The following OSGEP variants were observed in gnomAD, a reference collection of about 807,000 sequenced individuals.
OSGEP encodes tRNA N6-adenosine threonylcarbamoyltransferase.
Under a neutral mutation model 44.1 loss-of-function variants are expected in OSGEP, and 39 were observed. The observed-to-expected ratio is 0.88, with a 90% CI of 0.69 to 1.16. The LOEUF is 1.16. Ranked by LOEUF, OSGEP falls within the 50% of genes most tolerant of loss-of-function variation. The pLI is 0.00. For missense variants in OSGEP, 403 were observed against 443.1 expected (o/e 0.91, Z 0.81); for synonymous variants, 139 against 161.9 (o/e 0.86, Z 1.07).
intron 1 of OSGEP, among the ~76,000 whole-genome samples, chr14:20,452,995 A>C (rs1043501216): frequency 3.9e-5 from 6 of 152,174 alleles, no homozygotes; most frequent in Non-Finnish European, 7.3e-5. Context: ...GGCCTGAGCC[A>C]CCGTGCCTGG....
At chr14:20,451,464 T>C (rs3120067) in intron 3 of OSGEP, 96,938 of 164,600 alleles carry the variant, frequency 0.59, 28,869 homozygotes, top group African/African-American at 0.61. Flanking sequence ...TGCCACCACA[T>C]CAAATTAATT....
chr14:20,448,562 A>C (rs1881018440), intron 6 of OSGEP, among the ~76,000 whole-genome samples, 171 bp downstream of exon 6: 1 of 152,156 alleles, frequency 6.6e-6, no homozygotes, highest in African/African-American at 2.4e-5. Context: ...AGCATGTGGC[A>C]CACAGAGATA....
chr14:20,448,599 T>A, intron 6 of OSGEP, 134 bp downstream of exon 6: 1 of 654,728 alleles, frequency 1.5e-6, no homozygotes, highest in Non-Finnish European at 2.7e-6. Context: ...TAAATGAATT[T>A]ACCCAGCACA....
At chr14:20,447,317 C>T (rs1880972042) in intron 10 of OSGEP, 38 bp from the exon 11 acceptor site, 1 of 1,612,508 alleles carries the variant, frequency 6.2e-7, no homozygotes, top group South Asian at 1.1e-5. Context: ...GAGAGCGAGC[C>T]CTTAACATCC....
chr14:20,449,766 G>C (rs74512655), intron 3 of OSGEP: 9,382 of 159,942 alleles, frequency 0.059, 342 homozygotes, highest in East Asian at 0.17. Flanking sequence ...TCAGCTTCCT[G>C]AGTAGCTGGG....
At position 20,448,831 on chromosome 14, in the gene OSGEP, C is replaced by G; in HGVS notation, c.558-20G>C. The G allele has an allele frequency of 6.3e-7, 1 of 1,597,400 alleles. No individual in the cohort carries two copies. Among genetic ancestry groups the G allele is most frequent in the Non-Finnish European group, 8.6e-7 (1 of 1,164,776 alleles). Reference sequence around the variant, plus strand: ...TTGCCTCTATGTGGGAATAAGCGTACGAGGCACTAAGCCTACAGTCAGCTG... The same window carrying G: ...TTGCCTCTATGTGGGAATAAGCGTAGGAGGCACTAAGCCTACAGTCAGCTG... On this transcript the variant is annotated intron_variant, in intron 5 of 10. Transcript: ENST00000206542.
intron 2 of OSGEP, 55 bp from the exon 3 acceptor site, chr14:20,452,204 G>T (rs371549049): frequency 6.7e-7 from 1 of 1,492,734 alleles, no homozygotes; most frequent in South Asian, 1.2e-5. Context: ...AAACAATAGT[G>T]GGGGACATAA....
rs372581348 is a variant in OSGEP, at chr14:20,454,561, T to C, written c.115+8A>G. On this transcript the variant is annotated splice_region_variant and intron_variant, in intron 1 of 10. Coordinates refer to ENST00000206542, the MANE Select transcript of OSGEP (RefSeq NM_017807.4). ...CGCGGAAAACTCTTAAGTCCCCTAC[T>C]CACCAACCTGTGCCAGGAGGCGTGA... 230 of 1,600,168 alleles carry C rather than the reference T, an allele frequency of 1.4e-4. No individual in the cohort carries two copies. The highest frequency in any genetic ancestry group is 3.3e-5 in the Non-Finnish European group (39 of 1,167,308).
chr14:20,449,348 T>G, intron 3 of OSGEP, 82 bp from the exon 4 acceptor site: 1 of 830,802 alleles, frequency 1.2e-6, no homozygotes, highest in South Asian at 1.4e-5. Context: ...TAGCAGAGGA[T>G]CAACATGACC....
rs1881217287 is a variant in OSGEP, at chr14:20,454,609, C to A, written c.75G>T (p.Leu25=). The change falls in exon 1 of 11, where the codon CTG becomes CTT. Residue 25 remains leucine (L), a synonymous_variant. Coordinates refer to ENST00000206542, the MANE Select transcript of OSGEP (RefSeq NM_017807.4). The stretch of plus-strand genomic sequence containing the variant: ...TGACGTAAGTCCGCCGCGGGTTCGC[C>A]AGCACCTTGCCATCCCGCACCACGC... The part of the protein sequence containing the change: ...GVGVVRDGKV[L]ANPRRTYVTP... The A allele has an allele frequency of 6.2e-7, 1 of 1,614,104 alleles. No individual in the cohort carries two copies. Among genetic ancestry groups the A allele is most frequent in the African/African-American group, 1.3e-5 (1 of 74,944 alleles).
chr14:20,449,161 A>G lies in OSGEP; in HGVS notation c.507+10T>C. Reference sequence around the variant, plus strand: ...CACATTTTATGTTCTCTGCAGCCCCACTGGCTTACCTTCAGCACTCGAGCA... The same window carrying G: ...CACATTTTATGTTCTCTGCAGCCCCGCTGGCTTACCTTCAGCACTCGAGCA... On this transcript the variant is annotated intron_variant, in intron 4 of 10. Transcript: ENST00000206542. 6.3e-7 allele frequency: 1 copy of G among 1,596,438 alleles called. No homozygotes were observed. Among genetic ancestry groups the G allele is most frequent in the Non-Finnish European group, 8.6e-7 (1 of 1,163,850 alleles).
At position 20,448,151 on chromosome 14, in the gene OSGEP, C is replaced by G; in HGVS notation, c.657G>C (p.Leu219=). Residue 219 remains leucine, a synonymous_variant, in exon 7 of 11, where the codon CTG becomes CTC. Coordinates refer to ENST00000206542, the MANE Select transcript of OSGEP (RefSeq NM_017807.4). ...SFIEDVAHRM[L]ATGECTPEDL... ...CCTCAGGAGTACACTCGCCTGTGGC[C>G]AGCATCCGATGGGCTACATCCTACA... is the stretch of plus-strand genomic sequence containing the variant. 6.2e-7 allele frequency: 1 copy of G among 1,613,466 alleles called. No homozygotes were observed.
In OSGEP at chr14:20,447,622, C is replaced by T; in HGVS notation, c.862G>A (p.Asp288Asn). 6.2e-7 allele frequency: 1 copy of T among 1,613,960 alleles called. No homozygotes were observed. The highest frequency in any genetic ancestry group is 8.5e-7 in the Non-Finnish European group (1 of 1,179,822). Reference protein sequence around the residue: ...QERGARLFATDERFCIDNGAM... With the variant: ...QERGARLFATNERFCIDNGAM... ...AAGGGAAAGTGTCTTTACCTCTCAT[C>T]TGTAGCAAAAAGCCGGGCTCCACGT... Residue 288 changes from aspartate (D) to asparagine (N), a missense_variant, in exon 9 of 11, where the codon GAT becomes AAT. Coordinates refer to ENST00000206542, the MANE Select transcript of OSGEP (RefSeq NM_017807.4).
chr14:20,453,136 T>C (rs187478608), intron 1 of OSGEP, among the ~76,000 whole-genome samples: 76 of 152,308 alleles, frequency 5.0e-4, no homozygotes, highest in East Asian at 1.9e-3. Flanking sequence ...TCTCAAAGCA[T>C]TGAGTATTTT....
rs757710807 is a variant in OSGEP at position 20,447,439 on chromosome 14, A to G, written c.951T>C (p.Asp317=). Residue 317 remains aspartate (D), a synonymous_variant, in exon 10 of 11, where the codon GAT becomes GAC. Transcript: ENST00000206542. ...TCACTCACCTCTGTGTAACCCCAGA[A>G]TCACTGAGTGGGGTCCTGTGTCCAG... is the stretch of plus-strand genomic sequence containing the variant. ...FRAGHRTPLS[D]SGVTQRYRTD... is the part of the protein sequence containing the mutation. 1 of 1,613,652 alleles carries G rather than the reference A, an allele frequency of 6.2e-7. No homozygotes were observed. The highest frequency in any genetic ancestry group is 1.3e-5 in the African/African-American group (1 of 74,900).
chr14:20,449,166 C>CT lies in OSGEP; in HGVS notation c.507+4dup, dbSNP rs766820832. ...TTTATGTTCTCTGCAGCCCCACTGG[C>CT]TTACCTTCAGCACTCGAGCAAAACG... On this transcript the variant is annotated splice_donor_region_variant and intron_variant, in intron 4 of 10. Coordinates refer to ENST00000206542, the MANE Select transcript of OSGEP (RefSeq NM_017807.4). The CT allele has an allele frequency of 6.7e-5, 108 of 1,603,648 alleles. 1 individual carries two copies. The South Asian group carries it at 1.1e-3, about 17-fold the overall frequency.
At chr14:20,454,234 T>G (rs1161373323) in intron 1 of OSGEP, among the ~76,000 whole-genome samples, 1 of 152,138 alleles carries the variant, frequency 6.6e-6, no homozygotes, top group East Asian at 1.9e-4. Context: ...CTGCTAAGCG[T>G]TTTTTAAACA....
intron 6 of OSGEP, 91 bp from the exon 7 acceptor site, chr14:20,448,262 G>T: frequency 1.0e-6 from 1 of 1,001,054 alleles, no homozygotes; most frequent in Non-Finnish European, 1.6e-6. Flanking sequence ...GGGTCATCAT[G>T]TTTCACCACA....
rs1881029757 is a variant in OSGEP at position 20,449,031 on chromosome 14, T to C, written c.508-18A>G. Reference sequence around the variant, plus strand: ...TTAGAAATCTAGCAGAAGAAAAAAATAAGGAAGGAGGGAATGGAAGAGGAT... The same window carrying C: ...TTAGAAATCTAGCAGAAGAAAAAAACAAGGAAGGAGGGAATGGAAGAGGAT... On this transcript the variant is annotated intron_variant, in intron 4 of 10. Coordinates refer to ENST00000206542, the MANE Select transcript of OSGEP (RefSeq NM_017807.4). 1 of 1,608,452 alleles carries C rather than the reference T, an allele frequency of 6.2e-7. No homozygotes were observed. Among genetic ancestry groups the C allele is most frequent in the South Asian group, 1.1e-5 (1 of 90,972 alleles).
Sources: allele counts gnomAD v4.1 joint callset (sites outside exome capture counted in the v4.1 genomes callset), GRCh38; gene constraint gnomAD v4.1.1; transcripts MANE v1.5; gene names NCBI Gene and HGNC (gene_info 2026-07-23, HGNC 2026-07-21).